DDRGK1: variants seen among roughly 807,000 people sequenced by gnomAD.
DDRGK1 encodes DDRGK domain containing 1.
DDRGK1 carries 38 observed loss-of-function variants against 45.8 expected under a neutral mutation model. The observed-to-expected ratio is 0.83, with a 90% CI of 0.64 to 1.09. The LOEUF is 1.09. DDRGK1 is among the 50% of genes least tolerant of loss of function. DDRGK1 has a pLI of 0.00. For missense variants in DDRGK1, 403 were observed against 419.9 expected (o/e 0.96, Z 0.35); for synonymous variants, 171 against 168.7 (o/e 1.01, Z -0.11).
chr20:3,191,955 G>C (rs1330212819), intron 6 of DDRGK1, 134 bp from the exon 7 acceptor site: 1 of 732,014 alleles, frequency 1.4e-6, no homozygotes, highest in African/African-American at 1.8e-5. Flanking sequence ...ACTCCTGTAG[G>C]ACAGCCTTGC....
rs35327491 is a variant in DDRGK1, at chr20:3,200,020, C to A, written c.491G>T (p.Arg164Leu). The A allele has an allele frequency of 0.023, 37,435 of 1,612,556 alleles. 516 individuals carry two copies. Among genetic ancestry groups the A allele is most frequent in the Non-Finnish European group, 0.025 (29,996 of 1,179,486 alleles). The change falls in exon 4 of 9, where the codon CGC (arginine) becomes CTC (leucine). Residue 164 changes from arginine (R) to leucine (L), a missense_variant. Arg to Leu is a moderately radical substitution (Grantham distance 102). Coordinates refer to ENST00000354488, the MANE Select transcript of DDRGK1 (RefSeq NM_023935.3). ...CCTCACCTTCTGCTCCTCCTCCAGGCGAAGCCGCTCCTCCTCCTTCTTCCA... is the reference window on the plus strand; with the variant it reads ...CCTCACCTTCTGCTCCTCCTCCAGGAGAAGCCGCTCCTCCTCCTTCTTCCA... ...AEWKKEEERL[R>L]LEEEQKEEEE...
intron 4 of DDRGK1, among the ~76,000 whole-genome samples, chr20:3,197,517 G>A (rs1052560473): frequency 6.6e-6 from 1 of 152,202 alleles, no homozygotes; most frequent in South Asian, 2.1e-4. Flanking sequence ...TTGCATTGAA[G>A]ATGGAACTTC....
intron 4 of DDRGK1, among the ~76,000 whole-genome samples, chr20:3,198,221 C>G (rs1211317219): frequency 6.7e-6 from 1 of 148,578 alleles, no homozygotes; most frequent in African/African-American, 2.5e-5. Flanking sequence ...TACTGGCCAA[C>G]ATGGTGAAAC....
intron 6 of DDRGK1, 54 bp from the exon 7 acceptor site, chr20:3,191,875 A>G: frequency 1.9e-6 from 3 of 1,547,026 alleles, no homozygotes; most frequent in Non-Finnish European, 2.6e-6. Flanking sequence ...AAATCCCTCT[A>G]AGCATGGGCA....
intron 1 of DDRGK1, 86 bp from the exon 2 acceptor site, chr20:3,203,502 C>T (rs2067051348): frequency 7.0e-7 from 1 of 1,426,310 alleles, no homozygotes; most frequent in Non-Finnish European, 9.2e-7. Flanking sequence ...AGCCTCACCT[C>T]CTCTGCTTAG....
At position 3,195,462 on chromosome 20, in the gene DDRGK1, C is replaced by T. The variant is rs76585531; in HGVS notation, c.511-109G>A. The T allele has an allele frequency of 2.5e-4, 361 of 1,440,798 alleles. 2 individuals are homozygous for T. In the African/African-American group the frequency reaches 4.6e-3, roughly 18 times the overall value. 89.3% of individuals were successfully genotyped at this position (1,440,798 alleles called of 1,614,324 possible). A position where few individuals can be genotyped will look rare whatever the true frequency, so the allele number is the denominator to read the frequency against. On this transcript the variant is annotated intron_variant, in intron 4 of 8. Transcript: ENST00000354488. ...ACCAGAGCATATAGCCCAGCCTTTT[C>T]TCAGAGACAGAGCTCCTTCAGGACC...
intron 2 of DDRGK1, among the ~76,000 whole-genome samples, chr20:3,201,403 G>T (rs894187134): frequency 6.9e-6 from 1 of 145,910 alleles, no homozygotes; most frequent in Non-Finnish European, 1.5e-5. Context: ...AGCTTGCCGA[G>T]ATCTGCTGCC....
rs113185908 is a variant in DDRGK1 at position 3,204,234 on chromosome 20, G to A, written c.91+303C>T. On this transcript the variant is annotated intron_variant, in intron 1 of 8. Coordinates refer to ENST00000354488, the MANE Select transcript of DDRGK1 (RefSeq NM_023935.3). The stretch of plus-strand genomic sequence containing the variant: ...GGTGCAGAGGGAAAGGGCCCCGACG[G>A]TGACGGATGGGAGTGTGCGCCGGCC... 1.2e-4 allele frequency among the ~76,000 whole-genome samples: 19 copies of A among 152,350 alleles called. 1 individual carries two copies. The highest frequency in any genetic ancestry group is 4.3e-4 in the African/African-American group (18 of 41,582).
chr20:3,198,472 G>GGGTGGATCACCTGAGGTC (rs1600474993), intron 4 of DDRGK1, among the ~76,000 whole-genome samples: 1 of 150,478 alleles, frequency 6.6e-6, no homozygotes, highest in East Asian at 2.0e-4. Context: ...AGGCTGAGGT[G>GGGTGGATCACCTGAGGTC]GGTGGATCAC....
intron 2 of DDRGK1, 65 bp from the exon 3 acceptor site, chr20:3,200,519 C>T: frequency 1.4e-6 from 2 of 1,414,986 alleles, no homozygotes; most frequent in Middle Eastern, 1.8e-4. Flanking sequence ...GATGGATCCC[C>T]AACCCCTCGT....
chr20:3,200,001 C>A lies in DDRGK1; in HGVS notation c.510G>T (p.Lys170Asn). 6.2e-7 allele frequency: 1 copy of A among 1,609,234 alleles called. No homozygotes were observed. Among genetic ancestry groups the A allele is most frequent in the South Asian group, 1.1e-5 (1 of 90,094 alleles). Residue 170 changes from lysine to asparagine, a missense_variant and splice_region_variant, in exon 4 of 9, where the codon AAG becomes AAT. Coordinates refer to ENST00000354488, the MANE Select transcript of DDRGK1 (RefSeq NM_023935.3). ...EERLRLEEEQ[K>N]EEEERKAREE... ...AGGTCAGGGTAGGGGCTGGCCTCAC[C>A]TTCTGCTCCTCCTCCAGGCGAAGCC...
chr20:3,192,390 C>T (rs2066993501), intron 6 of DDRGK1, among the ~76,000 whole-genome samples: 2 of 152,196 alleles, frequency 1.3e-5, no homozygotes. Flanking sequence ...CAGGTGAGTA[C>T]ATGGACAAGA....
At position 3,190,540 on chromosome 20, in the gene DDRGK1, TTA is replaced by T; in HGVS notation, c.*111_*112del. The stretch of plus-strand genomic sequence containing the variant: ...CAAGCTCAGCAGTACTCACAGGCCT[TTA>T]ATCTATAACTGCCTGGCCACACCAT... On this transcript the variant is annotated 3_prime_UTR_variant, in exon 9 of 9. Transcript: ENST00000354488. The T allele has an allele frequency of 7.3e-7, 1 of 1,369,262 alleles. No individual in the cohort carries two copies. Among genetic ancestry groups the T allele is most frequent in the Non-Finnish European group, 1.0e-6 (1 of 995,516 alleles). The allele number at this position is 1,369,262 out of a possible 1,614,324, so 84.8% of individuals were successfully genotyped here. A position where few individuals can be genotyped will look rare whatever the true frequency, so the allele number is the denominator to read the frequency against.
In DDRGK1 at chr20:3,203,308, C is replaced by G; in HGVS notation, c.200G>C (p.Arg67Pro). 1 of 1,608,176 alleles carries G rather than the reference C, an allele frequency of 6.2e-7. No homozygotes were observed. Among genetic ancestry groups the G allele is most frequent in the African/African-American group, 1.3e-5 (1 of 74,952 alleles). The change falls in exon 2 of 9, where the codon CGG becomes CCG. Residue 67 changes from arginine to proline, a missense_variant. Arg to Pro is a moderately radical substitution (Grantham distance 103). Coordinates refer to ENST00000354488, the MANE Select transcript of DDRGK1 (RefSeq NM_023935.3). The part of the protein sequence containing the change: ...EPRAGGRPRR[R>P]RDLGSRLQAQ... ...CTGTAGGCGGCTGCCCAGGTCCCTC[C>G]GGCGCCGAGGCCTGCCTCCAGCTCT...
chr20:3,199,056 G>A (rs2067024637), intron 4 of DDRGK1, among the ~76,000 whole-genome samples: 1 of 151,650 alleles, frequency 6.6e-6, no homozygotes. Flanking sequence ...ACGGGGAACT[G>A]AAGTGGGAGG....
At chr20:3,194,704 C>T in intron 6 of DDRGK1, 126 bp downstream of exon 6, 2 of 1,301,704 alleles carry the variant, frequency 1.5e-6, no homozygotes, top group Non-Finnish European at 2.2e-6. Context: ...GGCTCTGCCC[C>T]TCTGGGCCCC....
In DDRGK1 at chr20:3,190,783, G is replaced by A; in HGVS notation, c.815C>T (p.Thr272Ile). ...IDDRGKFIYI[T>I]PEELAAVANF... The stretch of plus-strand genomic sequence containing the variant: ...GGCCACGGCGGCCAGTTCCTCTGGG[G>A]TTATGTAGATGAACTTGCCCCGGTC... The change falls in exon 9 of 9, where the codon ACC becomes ATC. Residue 272 changes from threonine (T) to isoleucine (I), a missense_variant. By Grantham distance (89) the Thr-to-Ile change is moderately conservative. Coordinates refer to ENST00000354488, the MANE Select transcript of DDRGK1 (RefSeq NM_023935.3). 1.9e-6 allele frequency: 3 copies of A among 1,613,854 alleles called. No homozygotes were observed. Among genetic ancestry groups the A allele is most frequent in the Non-Finnish European group, 1.7e-6 (2 of 1,179,892 alleles).
intron 5 of DDRGK1, 61 bp downstream of exon 5, chr20:3,195,170 C>A: frequency 6.2e-7 from 1 of 1,609,872 alleles, no homozygotes; most frequent in Non-Finnish European, 8.5e-7. Flanking sequence ...GCTAGCCTTG[C>A]GTCTGGCACA....
intron 5 of DDRGK1, 152 bp downstream of exon 5, chr20:3,195,079 A>G (rs2067004341): frequency 1.4e-6 from 2 of 1,406,496 alleles, no homozygotes; most frequent in African/African-American, 1.4e-5. Flanking sequence ...GCTGAGGACA[A>G]GGCCTCTGGC....
Sources: gnomAD v4.1 joint callset for allele counts (sites outside exome capture counted in the v4.1 genomes callset) on GRCh38, gnomAD v4.1.1 for gene constraint, MANE v1.5 for transcripts, NCBI Gene and HGNC (gene_info 2026-07-23, HGNC 2026-07-21) for gene names.